The following CPM variants were observed in gnomAD, a reference collection of about 807,000 sequenced individuals.
CPM encodes the protein carboxypeptidase M.
In CPM, 35 loss-of-function variants were observed where a neutral mutation model predicts 46.4. The observed-to-expected ratio is 0.75, with a 90% CI of 0.58 to 1.00. The LOEUF (loss-of-function observed/expected upper bound fraction) is 1.00, where lower values mean the gene tolerates loss of function less well. CPM is among the 50% of genes least tolerant of loss of function. CPM has a pLI of 0.00. For synonymous variants in CPM, 195 were observed against 195.3 expected, an observed-to-expected ratio of 1.00 and a Z score of 0.01; for missense variants, 422 against 530.4, an observed-to-expected ratio of 0.80 and a Z score of 2.01.
chr12:68,901,106 T>C (rs1887093505), intron 2 of CPM, among the ~76,000 whole-genome samples: 1 of 152,212 alleles, frequency 6.6e-6, no homozygotes, highest in South Asian at 2.1e-4. Flanking sequence ...AATTTTGCTT[T>C]AGATAATTTT....
At chr12:68,939,923 A>G (rs1323320017) in intron 1 of CPM, among the ~76,000 whole-genome samples, 1 of 152,060 alleles carries the variant, frequency 6.6e-6, no homozygotes, top group Non-Finnish European at 1.5e-5. Flanking sequence ...AGTCTTATTG[A>G]ACATTTATTG....
intron 2 of CPM, among the ~76,000 whole-genome samples, chr12:68,910,659 T>C (rs1887556524): frequency 6.6e-6 from 1 of 152,190 alleles, no homozygotes; most frequent in African/African-American, 2.4e-5. Flanking sequence ...TTTTAAAATA[T>C]GGCAAAACAC....
downstream of CPM, chr12:68,849,390 GT>G (rs67479332): frequency 0.48 from 61,529 of 128,982 alleles, 12,981 homozygotes; most frequent in South Asian, 0.55. Flanking sequence ...GCGCCTGGCC[GT>G]TTTTTTTTTT....
chr12:68,869,906 T>G (rs147232838), intron 5 of CPM, among the ~76,000 whole-genome samples: 34 of 152,308 alleles, frequency 2.2e-4, no homozygotes, highest in African/African-American at 8.2e-4. Flanking sequence ...TTGTTCCAGT[T>G]TTATGTTATT....
At chr12:68,937,213 T>C (rs563912193), upstream of CPM, among the ~76,000 whole-genome samples, 1 of 152,358 alleles carries the variant, frequency 6.6e-6, no homozygotes, top group South Asian at 2.1e-4. Context: ...GTGTTGAGTT[T>C]GTATATGTTA....
At chr12:68,880,484 C>A (rs971510686) in intron 3 of CPM, among the ~76,000 whole-genome samples, 3 of 152,152 alleles carry the variant, frequency 2.0e-5, no homozygotes, top group African/African-American at 7.2e-5. Flanking sequence ...AACAGCAAGC[C>A]CAAATCCTCT....
At chr12:68,886,496 G>T (rs1294769098) in intron 2 of CPM, among the ~76,000 whole-genome samples, 1 of 152,152 alleles carries the variant, frequency 6.6e-6, no homozygotes, top group Non-Finnish European at 1.5e-5. Context: ...GCCGGGCGTG[G>T]TGGCGGGCGC....
chr12:68,863,204 A>G (rs1361266394), intron 7 of CPM, among the ~76,000 whole-genome samples: 2 of 152,166 alleles, frequency 1.3e-5, no homozygotes, highest in African/African-American at 2.4e-5. Flanking sequence ...AGCACATACC[A>G]GATTCTTTTA....
chr12:68,935,667 T>G (rs1888662645), upstream of CPM, among the ~76,000 whole-genome samples: 1 of 151,772 alleles, frequency 6.6e-6, no homozygotes, highest in Non-Finnish European at 1.5e-5. Flanking sequence ...CAGTAGTCAC[T>G]ATGCTAAATG....
chr12:68,871,834 T>C lies in CPM; in HGVS notation c.381A>G (p.Pro127=), dbSNP rs1885711901. ...TRIHIMPSMN[P]DGFEAVKKPD... is the part of the protein sequence containing the mutation. ...GCTTTTTGACGGCTTCAAATCCATC[T>C]GGGTTCATGGAAGGCATGATGTGTA... The change falls in exon 4 of 9, where the codon CCA becomes CCG. Residue 127 remains proline, a synonymous_variant. Transcript: ENST00000551568. 1.2e-6 allele frequency: 2 copies of C among 1,614,082 alleles called. No individual in the cohort carries two copies. The highest frequency in any genetic ancestry group is 2.7e-5 in the African/African-American group (2 of 74,932).
intron 5 of CPM, among the ~76,000 whole-genome samples, chr12:68,869,889 A>G (rs978944483): frequency 1.8e-5 from 2 of 110,008 alleles, no homozygotes. Context: ...GCAAAAAAAA[A>G]AGTGAGTTGT....
rs181291577 is a variant in CPM, at chr12:68,909,438, A to G, written c.160+23240T>C. On this transcript the variant is annotated intron_variant, in intron 2 of 8. Coordinates refer to ENST00000551568, the MANE Select transcript of CPM (RefSeq NM_198320.5). ...TTGGTTAGGATGTGGGGAAATACAC[A>G]TACTCACGTGGGGCTGGGAGTGTAA... 2.6e-5 allele frequency among the ~76,000 whole-genome samples: 4 copies of G among 152,276 alleles called. No individual in the cohort carries two copies. The East Asian group carries it at 7.7e-4, about 29-fold the overall frequency.
chr12:68,876,158 A>G (rs1167122069), intron 3 of CPM, among the ~76,000 whole-genome samples: 2 of 152,224 alleles, frequency 1.3e-5, no homozygotes, highest in East Asian at 3.8e-4. Context: ...GGAAACAAGT[A>G]TGTAACCAAA....
At chr12:68,936,395 T>C (rs547855910), upstream of CPM, among the ~76,000 whole-genome samples, 1 of 152,262 alleles carries the variant, frequency 6.6e-6, no homozygotes, top group East Asian at 1.9e-4. Flanking sequence ...CTTTCTTCTT[T>C]TTTTTTGAGA....
chr12:68,931,744 C>CAAAAAAAAAA (rs1230893187), intron 2 of CPM, among the ~76,000 whole-genome samples: 1 of 36,186 alleles, frequency 2.8e-5, no homozygotes, highest in African/African-American at 9.7e-5. Flanking sequence ...AGACTCTGAC[C>CAAAAAAAAAA]AAAAAAAAAA....
chr12:68,875,490 C>CT (rs1885908877), intron 3 of CPM, among the ~76,000 whole-genome samples: 1 of 151,846 alleles, frequency 6.6e-6, no homozygotes, highest in Non-Finnish European at 1.5e-5. Context: ...TTTTAATAAT[C>CT]TTTTTTCTTA....
chr12:68,852,686 TA>T lies in CPM; in HGVS notation c.*3750del. 1 of 152,146 alleles carries T rather than the reference TA, an allele frequency of 6.6e-6. No homozygotes were observed. The highest frequency in any genetic ancestry group is 1.5e-5 in the Non-Finnish European group (1 of 68,170). 9.4% of individuals were successfully genotyped at this position (152,146 alleles called of 1,614,324 possible). ...ATTTCTCCTGCCTCAGCCTCCCAAG[TA>T]GCTGGGATTACAGGTGCCTGCCACC... On this transcript the variant is annotated 3_prime_UTR_variant, in exon 9 of 9. Transcript: ENST00000551568.
At chr12:68,877,337 T>C (rs1269121693) in intron 3 of CPM, among the ~76,000 whole-genome samples, 1 of 152,238 alleles carries the variant, frequency 6.6e-6, no homozygotes, top group Non-Finnish European at 1.5e-5. Context: ...ATATCATGTA[T>C]TCAATAAATA....
chr12:68,894,500 G>A lies in CPM; in HGVS notation c.161-8611C>T, dbSNP rs1270557315. Among the ~76,000 whole-genome samples the A allele has an allele frequency of 2.6e-5, 4 of 152,102 alleles. No homozygotes were observed. In the East Asian group the frequency reaches 7.7e-4, roughly 29 times the overall value. On this transcript the variant is annotated intron_variant, in intron 2 of 8. Coordinates refer to ENST00000551568, the MANE Select transcript of CPM (RefSeq NM_198320.5). ...ACACAAATGCGCCCACAGGAGGCAG[G>A]TTCCTTTCTGCACCCTAGTACCCTA...
Sources: gnomAD v4.1 joint callset for allele counts (sites outside exome capture counted in the v4.1 genomes callset) on GRCh38, gnomAD v4.1.1 for gene constraint, MANE v1.5 for transcripts, NCBI Gene and HGNC (gene_info 2026-07-23, HGNC 2026-07-21) for gene names.